NEBL: variants seen among roughly 807,000 people sequenced by gnomAD.
The protein encoded by NEBL is nebulette.
In NEBL, 122 loss-of-function variants were observed where a neutral mutation model predicts 140.2. The ratio of observed to expected loss-of-function variants is 0.87; its 90% CI spans 0.75 to 1.01. The LOEUF is 1.01. Among genes scored for constraint, NEBL ranks in the 50% least tolerant of loss-of-function variants. NEBL has a pLI of 0.00. For missense variants in NEBL, 1,365 were observed against 1,231.3 expected (o/e 1.11, Z -1.62); for synonymous variants, 436 against 398.9 (o/e 1.09, Z -1.11).
At chr10:20,997,774 C>T (rs968778679) in intron 3 of NEBL, among the ~76,000 whole-genome samples, 41 of 152,000 alleles carry the variant, frequency 2.7e-4, no homozygotes, top group Non-Finnish European at 5.0e-4. Flanking sequence ...ACATTAGATG[C>T]TTGAGATAGG....
intron 2 of NEBL, among the ~76,000 whole-genome samples, chr10:21,077,606 CA>C (rs931932184): frequency 6.6e-6 from 1 of 150,920 alleles, no homozygotes; most frequent in Admixed American, 6.6e-5. Context: ...GACTTCATCT[CA>C]AAAAAAATAA....
intron 4 of NEBL, among the ~76,000 whole-genome samples, chr10:20,913,669 TG>T (rs1848422111): frequency 6.6e-6 from 1 of 152,220 alleles, no homozygotes; most frequent in South Asian, 2.1e-4. Context: ...ATGGTATATT[TG>T]ACTTTTTGAT....
chr10:21,208,219 T>A (rs533458329), intron 3 of NEBL, among the ~76,000 whole-genome samples: 7 of 152,230 alleles, frequency 4.6e-5, no homozygotes, highest in Non-Finnish European at 7.3e-5. Context: ...AGAAATTGCA[T>A]TCTTTGATGA....
chr10:21,229,781 G>A (rs74123916), intron 3 of NEBL, among the ~76,000 whole-genome samples: 5,246 of 152,288 alleles, frequency 0.034, 118 homozygotes, highest in Middle Eastern at 0.048. Context: ...CCTTGACCAC[G>A]TCACATACCT....
At chr10:21,177,405 GTT>G (rs969316252), upstream of NEBL, among the ~76,000 whole-genome samples, 1 of 152,174 alleles carries the variant, frequency 6.6e-6, no homozygotes, top group Non-Finnish European at 1.5e-5. Flanking sequence ...TTGGGGGATT[GTT>G]TTGTTACTGC....
chr10:21,197,950 C>T (rs898048789), intron 3 of NEBL, among the ~76,000 whole-genome samples: 4 of 152,070 alleles, frequency 2.6e-5, no homozygotes, highest in Non-Finnish European at 5.9e-5. Flanking sequence ...AAACCCAGCC[C>T]AACTCCTCCA....
At position 20,785,759 on chromosome 10, in the gene NEBL, C is replaced by G; in HGVS notation, c.3033G>C (p.Glu1011Asp). 1 of 1,613,784 alleles carries G rather than the reference C, an allele frequency of 6.2e-7. No homozygotes were observed. The highest frequency in any genetic ancestry group is 8.5e-7 in the Non-Finnish European group (1 of 1,179,882). The change falls in exon 28 of 28, where the codon GAG (glutamate) becomes GAC (aspartate). Residue 1011 changes from glutamate to aspartate, a missense_variant. Glu to Asp is a conservative substitution (Grantham distance 45, BLOSUM62 2). This residue lies in a region of NEBL where 42 missense variants were observed against 76.5 expected (regional missense o/e 0.55). Coordinates refer to ENST00000377122, the MANE Select transcript of NEBL (RefSeq NM_006393.3). ...RTGMLPANYI[E>D]FVN ...CAGGGAGAAATAATTAATTAACAAA[C>G]TCAATGTAATTCGCTGGGAGCATTC...
chr10:20,912,882 T>TG (rs1848388689), intron 4 of NEBL, among the ~76,000 whole-genome samples: 1 of 74,836 alleles, frequency 1.3e-5, no homozygotes, highest in Non-Finnish European at 2.8e-5. Flanking sequence ...ATGCCAATTC[T>TG]TTTTTTTTTT....
intron 12 of NEBL, among the ~76,000 whole-genome samples, chr10:20,844,481 C>A (rs1841716515): frequency 6.7e-6 from 1 of 149,060 alleles, no homozygotes. Context: ...TTTGGAAAAG[C>A]TATGAGCTAC....
At chr10:21,040,607 G>A (rs982210298) in intron 2 of NEBL, among the ~76,000 whole-genome samples, 1 of 152,126 alleles carries the variant, frequency 6.6e-6, no homozygotes, top group Non-Finnish European at 1.5e-5. Flanking sequence ...CCATTCATGA[G>A]AGATTGGCCC....
At chr10:21,095,389 A>C (rs530879364) in intron 2 of NEBL, among the ~76,000 whole-genome samples, 1 of 152,238 alleles carries the variant, frequency 6.6e-6, no homozygotes, top group African/African-American at 2.4e-5. Flanking sequence ...AAAGATGGCC[A>C]GGACCAACTA....
intron 1 of NEBL, among the ~76,000 whole-genome samples, chr10:21,276,075 A>T (rs1312713113): frequency 4.0e-5 from 6 of 149,824 alleles, no homozygotes; most frequent in Non-Finnish European, 8.9e-5. Flanking sequence ...GGTTCAAGCG[A>T]TTGTCATGCC....
chr10:21,227,791 TTTCTTC>T (rs148503650), intron 3 of NEBL, among the ~76,000 whole-genome samples: 44 of 146,576 alleles, frequency 3.0e-4, no homozygotes, highest in Non-Finnish European at 4.8e-4. Context: ...CTTTCTCTTC[TTTCTTC>T]TTCTTCTTCT....
chr10:20,805,065 T>C (rs1291460418), intron 26 of NEBL, among the ~76,000 whole-genome samples: 2 of 152,176 alleles, frequency 1.3e-5, no homozygotes, highest in Non-Finnish European at 2.9e-5. Flanking sequence ...CTGGATATTT[T>C]TGTCATGGTC....
intron 26 of NEBL, among the ~76,000 whole-genome samples, chr10:20,802,135 G>A (rs1166577876): frequency 6.6e-6 from 1 of 152,190 alleles, no homozygotes; most frequent in Admixed American, 6.5e-5. Context: ...AGGTGAGATT[G>A]CAAGCACATA....
chr10:21,172,328 G>C (rs767427756), intron 2 of NEBL: 49 of 1,393,100 alleles, frequency 3.5e-5, no homozygotes, highest in African/African-American at 1.3e-4. Context: ...CAGGTCCACT[G>C]GCTCTCAAGC....
chr10:20,828,832 G>A (rs921587930), intron 16 of NEBL, among the ~76,000 whole-genome samples, 198 bp from the exon 17 acceptor site: 5 of 151,856 alleles, frequency 3.3e-5, no homozygotes, highest in Admixed American at 6.6e-5. Context: ...TCTACCATAC[G>A]ACATGGCTTC....
At chr10:21,104,938 T>G (rs1287605389) in intron 2 of NEBL, among the ~76,000 whole-genome samples, 1 of 152,238 alleles carries the variant, frequency 6.6e-6, no homozygotes, top group Non-Finnish European at 1.5e-5. Context: ...CAAGAATTGA[T>G]GTTGCGCATA....
chr10:20,809,950 G>GGA (rs1554774490), intron 24 of NEBL, 52 bp from the exon 25 acceptor site: 2 of 683,196 alleles, frequency 2.9e-6, no homozygotes, highest in Non-Finnish European at 4.8e-6. Context: ...TTTAAAAAAG[G>GGA]AAAAAAAAAA....
Sources: gnomAD v4.1 joint callset for allele counts (sites outside exome capture counted in the v4.1 genomes callset) on GRCh38, gnomAD v4.1.1 for gene constraint, gnomAD v4.1.1 regional missense constraint, MANE v1.5 for transcripts, NCBI Gene and HGNC (gene_info 2026-07-23, HGNC 2026-07-21) for gene names.